GRM1: variants seen among roughly 807,000 people sequenced by gnomAD.
The protein encoded by GRM1 is glutamate metabotropic receptor 1.
In GRM1, 33 loss-of-function variants were observed where a neutral mutation model predicts 90.9. The observed-to-expected ratio is 0.36, with a 90% CI of 0.28 to 0.49. The LOEUF (loss-of-function observed/expected upper bound fraction) is 0.49, where lower values mean the gene tolerates loss of function less well. Among genes scored for constraint, GRM1 ranks in the 20% least tolerant of loss-of-function variants. The pLI, the probability that GRM1 is intolerant of heterozygous loss-of-function variation, is 0.99. For synonymous variants in GRM1, 700 were observed against 613.2 expected, an observed-to-expected ratio of 1.14 and a Z score of -2.09; for missense variants, 1,190 against 1,534.3, an observed-to-expected ratio of 0.78 and a Z score of 3.75.
chr6:146,210,798 G>A (rs546347853), intron 2 of GRM1, among the ~76,000 whole-genome samples: 13 of 152,110 alleles, frequency 8.5e-5, no homozygotes, highest in South Asian at 2.1e-4. Flanking sequence ...CTAATTTCAC[G>A]GCAGTCCCCC....
Position 146,430,668 on chromosome 6 carries a change from A to G in GRM1, c.2661-3204A>G, listed in dbSNP as rs551509304. ...ATGTATTTATTCTTTCTTGATATAA[A>G]TGGATTTGATTTTACATATTTTTCT... On this transcript the variant is annotated intron_variant, in intron 7 of 7. Coordinates refer to ENST00000282753, the MANE Select transcript of GRM1 (RefSeq NM_001278064.2). Among the ~76,000 whole-genome samples, 8 of 152,336 alleles carry G rather than the reference A, an allele frequency of 5.3e-5. No homozygotes were observed. The East Asian group carries it at 1.5e-3, about 29-fold the overall frequency.
chr6:146,177,075 G>A lies in GRM1; in HGVS notation c.950+17478G>A, dbSNP rs186242248. Among the ~76,000 whole-genome samples the A allele has an allele frequency of 3.5e-4, 53 of 152,202 alleles. No individual in the cohort carries two copies. The East Asian group carries it at 9.7e-3, about 28-fold the overall frequency. ...GTATTACTAAATGGACTCAGCCTGA[G>A]CTTTCTTTTCTTCTTTAAGCCTTAA... is the stretch of plus-strand genomic sequence containing the variant. On this transcript the variant is annotated intron_variant, in intron 2 of 7. Transcript: ENST00000282753.
intron 2 of GRM1, among the ~76,000 whole-genome samples, chr6:146,286,759 A>G (rs1390299529): frequency 1.3e-5 from 2 of 152,206 alleles, no homozygotes; most frequent in Non-Finnish European, 2.9e-5. Flanking sequence ...GACATTGATG[A>G]CCTCCACAAG....
chr6:146,351,127 G>A (rs1388415351), intron 3 of GRM1, among the ~76,000 whole-genome samples: 2 of 152,110 alleles, frequency 1.3e-5, no homozygotes, highest in Admixed American at 1.3e-4. Context: ...GCTAGTCTTA[G>A]CCTGGGAACC....
intron 1 of GRM1, among the ~76,000 whole-genome samples, chr6:146,053,880 G>C (rs1313342293): frequency 6.6e-6 from 1 of 151,960 alleles, no homozygotes. Context: ...AGATAAGGAG[G>C]TTCCATATAA....
chr6:146,330,804 A>G (rs927585622), intron 3 of GRM1, among the ~76,000 whole-genome samples: 7 of 152,204 alleles, frequency 4.6e-5, no homozygotes, highest in Non-Finnish European at 7.3e-5. Context: ...GTTGTTCATT[A>G]TATACTATTA....
intron 1 of GRM1, among the ~76,000 whole-genome samples, chr6:146,142,162 G>A (rs1185724744): frequency 6.6e-6 from 1 of 152,156 alleles, no homozygotes; most frequent in African/African-American, 2.4e-5. Flanking sequence ...CCTCATAGAG[G>A]TACCACCTTG....
intron 2 of GRM1, among the ~76,000 whole-genome samples, chr6:146,231,271 G>A (rs956881639): frequency 2.0e-5 from 3 of 152,104 alleles, no homozygotes; most frequent in Admixed American, 2.0e-4. Context: ...AGGCTATACA[G>A]GAAATCACCA....
chr6:146,029,665 C>G lies in GRM1; in HGVS notation c.148C>G (p.Leu50Val). Residue 50 changes from leucine (L) to valine (V), a missense_variant, in exon 1 of 8, where the codon CTC (leucine) becomes GTC (valine). This residue lies in a region of GRM1 where 25 missense variants were observed against 65.9 expected (regional missense o/e 0.38). Transcript: ENST00000282753. Reference protein sequence around the residue: ...RMDGDVIIGALFSVHHQPPAE... With the variant: ...RMDGDVIIGAVFSVHHQPPAE... The stretch of plus-strand genomic sequence containing the variant: ...GGACGGAGATGTCATCATTGGAGCC[C>G]TCTTCTCAGTCCATCACCAGCCTCC... 1 of 1,614,124 alleles carries G rather than the reference C, an allele frequency of 6.2e-7. No homozygotes were observed.
At position 146,262,937 on chromosome 6, in the gene GRM1, A is replaced by G. The variant is rs140605553; in HGVS notation, c.951-41674A>G. Among the ~76,000 whole-genome samples, 41 of 152,148 alleles carry G rather than the reference A, an allele frequency of 2.7e-4. No homozygotes were observed. The East Asian group carries it at 7.5e-3, about 28-fold the overall frequency. The stretch of plus-strand genomic sequence containing the variant: ...CAATTTGTCACCTATTAAATTATCA[A>G]AGATTCAAACAGCCATCCATATGGT... On this transcript the variant is annotated intron_variant, in intron 2 of 7. Transcript: ENST00000282753.
At chr6:146,231,809 T>C (rs1044748771) in intron 2 of GRM1, among the ~76,000 whole-genome samples, 1 of 152,088 alleles carries the variant, frequency 6.6e-6, no homozygotes, top group Non-Finnish European at 1.5e-5. Context: ...TATTGGATTT[T>C]TATTTGCTTA....
At chr6:146,278,959 C>A (rs1782472202) in intron 2 of GRM1, among the ~76,000 whole-genome samples, 1 of 152,164 alleles carries the variant, frequency 6.6e-6, no homozygotes, top group African/African-American at 2.4e-5. Context: ...CCCGCCTCGG[C>A]CTCCTAAAGT....
At chr6:146,323,912 C>T (rs901955323) in intron 3 of GRM1, among the ~76,000 whole-genome samples, 9 of 152,224 alleles carry the variant, frequency 5.9e-5, no homozygotes, top group African/African-American at 1.9e-4. Flanking sequence ...AGATATGTGG[C>T]ATTATTTCTG....
At chr6:146,248,925 G>T (rs566457605) in intron 2 of GRM1, among the ~76,000 whole-genome samples, 2 of 152,288 alleles carry the variant, frequency 1.3e-5, no homozygotes, top group East Asian at 3.9e-4. Flanking sequence ...CTTTAGCAAA[G>T]AAATTTTCAG....
intron 1 of GRM1, among the ~76,000 whole-genome samples, chr6:146,121,651 G>A (rs2128877397): frequency 6.6e-6 from 1 of 152,234 alleles, no homozygotes; most frequent in South Asian, 2.1e-4. Context: ...GTTCTCATTG[G>A]TTTCAAAGAA....
intron 1 of GRM1, among the ~76,000 whole-genome samples, chr6:146,116,462 A>G (rs1460082746): frequency 6.6e-6 from 1 of 152,176 alleles, no homozygotes; most frequent in Non-Finnish European, 1.5e-5. Context: ...CTATTTGGTA[A>G]TTGAATAATA....
chr6:146,297,215 C>T (rs1256269738), intron 2 of GRM1, among the ~76,000 whole-genome samples: 1 of 150,800 alleles, frequency 6.6e-6, no homozygotes, highest in African/African-American at 2.4e-5. Context: ...GGCTGGAGTA[C>T]AGTGGCGCGA....
chr6:146,030,002 CCGGCT>C lies in GRM1; in HGVS notation c.487_491del (p.Gly163GlnfsTer30). On this transcript the variant is annotated frameshift_variant, in exon 1 of 8. Coordinates refer to ENST00000282753, the MANE Select transcript of GRM1 (RefSeq NM_001278064.2). LOFTEE classifies it high-confidence loss of function. ...AAGCCCATTGCGGGAGTGATCGGTC[CCGGCT>C]CCAGCTCTGTAGCCATTCAAGTGCA... 6.2e-7 allele frequency: 1 copy of C among 1,614,134 alleles called. No individual in the cohort carries two copies. The highest frequency in any genetic ancestry group is 8.5e-7 in the Non-Finnish European group (1 of 1,180,002).
intron 5 of GRM1, 101 bp downstream of exon 5, chr6:146,357,795 GA>G: frequency 1.1e-6 from 1 of 926,298 alleles, no homozygotes; most frequent in Admixed American, 2.0e-5. Context: ...TAACTGTCTA[GA>G]AAGGGTGTGC....
Sources: allele counts gnomAD v4.1 joint callset (sites outside exome capture counted in the v4.1 genomes callset), GRCh38; gene constraint gnomAD v4.1.1; regional missense constraint gnomAD v4.1.1; transcripts MANE v1.5; gene names NCBI Gene and HGNC (gene_info 2026-07-23, HGNC 2026-07-21).